Variants in DNAI4 observed in about 807,000 individuals in gnomAD.
DNAI4 encodes the protein dynein axonemal intermediate chain 4.
A neutral mutation model predicts 105.8 loss-of-function variants in DNAI4; 85 were observed. The ratio of observed to expected loss-of-function variants is 0.80; its 90% CI spans 0.67 to 0.96. The LOEUF (loss-of-function observed/expected upper bound fraction) is 0.96, where lower values mean the gene tolerates loss of function less well. Ranked by LOEUF, DNAI4 falls within the 40% of genes least tolerant of loss-of-function variation. DNAI4 has a pLI of 0.00. For synonymous variants in DNAI4, 352 were observed against 331.5 expected, an observed-to-expected ratio of 1.06 and a Z score of -0.67; for missense variants, 1,014 against 1,005.6, an observed-to-expected ratio of 1.01 and a Z score of -0.11.
intron 1 of DNAI4, among the ~76,000 whole-genome samples, chr1:66,921,955 G>T (rs1264852360): frequency 1.3e-5 from 2 of 148,444 alleles, no homozygotes; most frequent in Non-Finnish European, 3.0e-5. Flanking sequence ...GGAGTACAAT[G>T]GCAGTGATCA....
intron 11 of DNAI4, among the ~76,000 whole-genome samples, chr1:66,834,456 C>T (rs1412198924): frequency 6.6e-6 from 1 of 151,980 alleles, no homozygotes; most frequent in Non-Finnish European, 1.5e-5. Flanking sequence ...ATCTACTTTT[C>T]TTACTCTATT....
chr1:66,889,460 A>C (rs1232765129), intron 4 of DNAI4, among the ~76,000 whole-genome samples: 1 of 151,654 alleles, frequency 6.6e-6, no homozygotes, highest in African/African-American at 2.4e-5. Context: ...AATTCTGACA[A>C]AATTAAGCCA....
intron 4 of DNAI4, among the ~76,000 whole-genome samples, chr1:66,886,554 T>C (rs912396546): frequency 7.9e-5 from 12 of 152,212 alleles, no homozygotes; most frequent in African/African-American, 2.9e-4. Flanking sequence ...TTTCCCTTCC[T>C]GGCTTTCAGG....
intron 13 of DNAI4, among the ~76,000 whole-genome samples, chr1:66,831,508 T>G (rs1645866278): frequency 6.6e-6 from 1 of 152,138 alleles, no homozygotes; most frequent in Non-Finnish European, 1.5e-5. Flanking sequence ...ATTAACAAAC[T>G]TGAAAAGAAA....
intron 13 of DNAI4, 21 bp downstream of exon 13, chr1:66,833,564 A>T: frequency 6.2e-7 from 1 of 1,610,980 alleles, no homozygotes; most frequent in Non-Finnish European, 8.5e-7. Flanking sequence ...TCCAGTGGTA[A>T]ATAAGAGTGA....
At chr1:66,831,402 T>C (rs968749996) in intron 13 of DNAI4, among the ~76,000 whole-genome samples, 2 of 152,124 alleles carry the variant, frequency 1.3e-5, no homozygotes, top group African/African-American at 4.8e-5. Context: ...AATTTCAGTA[T>C]ATCAAATGTA....
At chr1:66,886,422 A>C (rs1647202980) in intron 4 of DNAI4, among the ~76,000 whole-genome samples, 1 of 152,208 alleles carries the variant, frequency 6.6e-6, no homozygotes, top group Admixed American at 6.5e-5. Flanking sequence ...GACATGTTGT[A>C]TCCTGTAACA....
intron 7 of DNAI4, among the ~76,000 whole-genome samples, chr1:66,849,320 A>G (rs981554609): frequency 6.6e-6 from 1 of 152,198 alleles, no homozygotes; most frequent in Non-Finnish European, 1.5e-5. Flanking sequence ...ATGGTAATGA[A>G]GACACAACTT....
intron 1 of DNAI4, among the ~76,000 whole-genome samples, chr1:66,920,272 C>G (rs969110318): frequency 6.6e-6 from 1 of 152,120 alleles, no homozygotes; most frequent in Non-Finnish European, 1.5e-5. Context: ...ATTACCTTCC[C>G]GTTCTGTCCC....
At chr1:66,900,478 A>G (rs957212940) in intron 2 of DNAI4, among the ~76,000 whole-genome samples, 16 of 152,188 alleles carry the variant, frequency 1.1e-4, no homozygotes, top group African/African-American at 3.6e-4. Flanking sequence ...TGTTAAGTTT[A>G]CAGATCAGTT....
At chr1:66,908,006 G>C (rs1460732993) in intron 1 of DNAI4, among the ~76,000 whole-genome samples, 1 of 152,102 alleles carries the variant, frequency 6.6e-6, no homozygotes, top group Admixed American at 6.6e-5. Context: ...GTTATGGTTA[G>C]TTACTTTAAT....
chr1:66,912,980 G>A lies in DNAI4; in HGVS notation c.171-7605C>T, dbSNP rs181661855. On this transcript the variant is annotated intron_variant, in intron 1 of 16. Coordinates refer to ENST00000371026, the MANE Select transcript of DNAI4 (RefSeq NM_024763.5). ...TTTGCTGTACAACTCCCTTTTTTTTGGAGTTTTACTTGCTTCCAACACAAG... is the reference window on the plus strand; with the variant it reads ...TTTGCTGTACAACTCCCTTTTTTTTAGAGTTTTACTTGCTTCCAACACAAG... Among the ~76,000 whole-genome samples the A allele has an allele frequency of 4.3e-3, 649 of 151,846 alleles. 1 individual carries two copies. Among genetic ancestry groups the A allele is most frequent in the Non-Finnish European group, 7.2e-3 (487 of 67,904 alleles).
At position 66,915,892 on chromosome 1, in the gene DNAI4, TG is replaced by T. The variant is rs528534619; in HGVS notation, c.170+8769del. Among the ~76,000 whole-genome samples the T allele has an allele frequency of 5.2e-3, 795 of 152,096 alleles. 6 individuals are homozygous for T. Among genetic ancestry groups the T allele is most frequent in the African/African-American group, 0.018 (763 of 41,512 alleles). ...AATCCAACACTTTGGGAGGCTGAGGTGGGCAGGTCACCTGAGGCCAGGAGTT... is the reference window on the plus strand; with the variant it reads ...AATCCAACACTTTGGGAGGCTGAGGTGGCAGGTCACCTGAGGCCAGGAGTT... On this transcript the variant is annotated intron_variant, in intron 1 of 16. Coordinates refer to ENST00000371026, the MANE Select transcript of DNAI4 (RefSeq NM_024763.5).
rs189742878 is a variant in DNAI4 at position 66,878,340 on chromosome 1, T to C, written c.644-3403A>G. Among the ~76,000 whole-genome samples, 190 of 152,282 alleles carry C rather than the reference T, an allele frequency of 1.2e-3. 1 individual carries two copies. Among genetic ancestry groups the C allele is most frequent in the African/African-American group, 4.4e-3 (183 of 41,562 alleles). ...CTCAAATACCCCTTTTTGTTGTTTG[T>C]TTATTGTAGAGTTTTGTTCTATTTT... On this transcript the variant is annotated intron_variant, in intron 4 of 16. Transcript: ENST00000371026.
chr1:66,888,057 C>T (rs1378914646), intron 4 of DNAI4, among the ~76,000 whole-genome samples: 1 of 152,028 alleles, frequency 6.6e-6, no homozygotes, highest in Non-Finnish European at 1.5e-5. Context: ...TGTAACTTCC[C>T]ATTCAGAAAA....
At chr1:66,892,758 T>A (rs1011275149) in intron 3 of DNAI4, among the ~76,000 whole-genome samples, 2 of 151,298 alleles carry the variant, frequency 1.3e-5, no homozygotes, top group Non-Finnish European at 2.9e-5. Context: ...ATACAAAAAA[T>A]TAGCCAGGTG....
At chr1:66,836,210 G>GAAAGAAAGAAAGAA (rs1557908328) in intron 10 of DNAI4, among the ~76,000 whole-genome samples, 3 of 45,386 alleles carry the variant, frequency 6.6e-5, no homozygotes, top group South Asian at 9.0e-4. Context: ...GAAAGAAAGA[G>GAAAGAAAGAAAGAA]AGAGAGAGAG....
At chr1:66,898,789 G>A (rs1290631426) in intron 2 of DNAI4, among the ~76,000 whole-genome samples, 1 of 152,072 alleles carries the variant, frequency 6.6e-6, no homozygotes, top group African/African-American at 2.4e-5. Context: ...TAACATCTCC[G>A]CTCCCAGCCC....
intron 14 of DNAI4, among the ~76,000 whole-genome samples, chr1:66,827,331 G>T (rs1645776292): frequency 6.6e-6 from 1 of 151,930 alleles, no homozygotes; most frequent in Non-Finnish European, 1.5e-5. Flanking sequence ...GGGAGAAAAT[G>T]AAGAAAATGT....
Sources: gnomAD v4.1 joint callset for allele counts (sites outside exome capture counted in the v4.1 genomes callset) on GRCh38, gnomAD v4.1.1 for gene constraint, MANE v1.5 for transcripts, NCBI Gene and HGNC (gene_info 2026-07-23, HGNC 2026-07-21) for gene names.